The following SCHIP1 variants were observed in gnomAD, a reference collection of about 807,000 sequenced individuals.
The protein encoded by SCHIP1 is schwannomin-interacting protein 1.
In SCHIP1, 8 loss-of-function variants were observed where a neutral mutation model predicts 29.7. That is an observed-to-expected ratio of 0.27 (90% CI 0.16 to 0.49). The LOEUF is 0.49. Among genes scored for constraint, SCHIP1 ranks in the 20% least tolerant of loss-of-function variants. The probability of loss-of-function intolerance (pLI) is 0.99; values close to 1 mark genes in which losing one functional copy is unlikely to be tolerated. For synonymous variants in SCHIP1, 76 were observed against 94.9 expected, an observed-to-expected ratio of 0.80 and a Z score of 1.16; for missense variants, 193 against 294.6, an observed-to-expected ratio of 0.66 and a Z score of 2.52.
the SCHIP1 span, among the ~76,000 whole-genome samples, chr3:159,311,369 G>T: frequency 0.026 from 3,885 of 152,076 alleles, 160 homozygotes; most frequent in African/African-American, 0.09. Flanking sequence ...AAAAATCAAA[G>T]GGAGTTAATT....
chr3:159,506,875 T>A, the SCHIP1 span, among the ~76,000 whole-genome samples: 2 of 152,266 alleles, frequency 1.3e-5, no homozygotes, highest in African/African-American at 2.4e-5. Context: ...TGTAGCCTTG[T>A]AACATAGTTT....
upstream of SCHIP1, among the ~76,000 whole-genome samples, chr3:159,835,778 C>T (rs137924364): frequency 1.5e-3 from 223 of 152,268 alleles, no homozygotes; most frequent in Middle Eastern, 6.8e-3. Flanking sequence ...GGGTCAGTTC[C>T]TGACCCAGGC....
At chr3:159,796,118 G>A in the SCHIP1 span, among the ~76,000 whole-genome samples, 1 of 152,168 alleles carries the variant, frequency 6.6e-6, no homozygotes, top group Non-Finnish European at 1.5e-5. Context: ...TTGGATTTGG[G>A]CAGAGCCACT....
the SCHIP1 span, among the ~76,000 whole-genome samples, chr3:159,415,978 A>G: frequency 6.6e-6 from 1 of 152,224 alleles, no homozygotes; most frequent in South Asian, 2.1e-4. Flanking sequence ...CTATATTCAT[A>G]TTAGTAAAAG....
At chr3:159,846,516 G>A (rs1474143752) in intron 1 of SCHIP1, among the ~76,000 whole-genome samples, 4 of 152,154 alleles carry the variant, frequency 2.6e-5, no homozygotes, top group Non-Finnish European at 2.9e-5. Context: ...TTCTTCCTGT[G>A]ATTGAGAAAA....
At chr3:159,351,158 G>T in the SCHIP1 span, among the ~76,000 whole-genome samples, 1 of 152,118 alleles carries the variant, frequency 6.6e-6, no homozygotes, top group Non-Finnish European at 1.5e-5. Context: ...ATACCTTCAT[G>T]CTCTTACAGT....
At chr3:159,465,369 TAGAGAGAAAG>T in the SCHIP1 span, among the ~76,000 whole-genome samples, 8 of 150,438 alleles carry the variant, frequency 5.3e-5, no homozygotes, top group African/African-American at 7.4e-5. Context: ...GTGTGGAAAT[TAGAGAGAAAG>T]AGAGAGAAAG....
the SCHIP1 span, among the ~76,000 whole-genome samples, chr3:159,746,867 C>G: frequency 2.6e-5 from 4 of 152,302 alleles, no homozygotes; most frequent in East Asian, 5.8e-4. Context: ...GGAACTTCAG[C>G]AACTTTTGAT....
At chr3:159,772,940 T>C in the SCHIP1 span, among the ~76,000 whole-genome samples, 5 of 151,850 alleles carry the variant, frequency 3.3e-5, no homozygotes, top group African/African-American at 1.2e-4. Flanking sequence ...GGGATTTCAC[T>C]ATGTTGGCCA....
chr3:159,803,717 G>T, the SCHIP1 span, among the ~76,000 whole-genome samples: 2 of 152,214 alleles, frequency 1.3e-5, no homozygotes, highest in Non-Finnish European at 2.9e-5. Flanking sequence ...CCAGGGAAGT[G>T]TATGTATACA....
chr3:159,508,381 T>C, the SCHIP1 span, among the ~76,000 whole-genome samples: 2 of 152,138 alleles, frequency 1.3e-5, no homozygotes, highest in African/African-American at 4.8e-5. Flanking sequence ...GTCTTGCTAG[T>C]GGTCTATAAA....
chr3:159,391,072 G>C, the SCHIP1 span, among the ~76,000 whole-genome samples: 1 of 152,092 alleles, frequency 6.6e-6, no homozygotes, highest in African/African-American at 2.4e-5. Context: ...ATGAAAAACT[G>C]ATGTCTTGGT....
chr3:159,448,132 G>A, the SCHIP1 span, among the ~76,000 whole-genome samples: 6 of 152,192 alleles, frequency 3.9e-5, no homozygotes, highest in Non-Finnish European at 8.8e-5. Flanking sequence ...ACCTGATGAT[G>A]TAACTGTGAG....
chr3:159,465,879 A>G, the SCHIP1 span, among the ~76,000 whole-genome samples: 1 of 152,210 alleles, frequency 6.6e-6, no homozygotes, highest in Non-Finnish European at 1.5e-5. Flanking sequence ...AAGTACATAA[A>G]TATAACAAAC....
the SCHIP1 span, among the ~76,000 whole-genome samples, chr3:159,361,801 A>T: frequency 1.3e-5 from 2 of 152,228 alleles, no homozygotes; most frequent in Non-Finnish European, 2.9e-5. Context: ...GTTGTGATTT[A>T]AAAAATGTAT....
the SCHIP1 span, among the ~76,000 whole-genome samples, chr3:159,801,181 C>A: frequency 3.9e-5 from 6 of 152,012 alleles, no homozygotes; most frequent in African/African-American, 1.2e-4. Context: ...AAGCTATATA[C>A]AAAAGTAAGT....
At chr3:159,740,556 C>A in the SCHIP1 span, among the ~76,000 whole-genome samples, 8 of 151,992 alleles carry the variant, frequency 5.3e-5, no homozygotes, top group African/African-American at 1.7e-4. Context: ...CCCCTGCCCC[C>A]AAAAAATCCA....
At chr3:159,720,463 G>A in the SCHIP1 span, among the ~76,000 whole-genome samples, 2 of 151,824 alleles carry the variant, frequency 1.3e-5, no homozygotes, top group African/African-American at 2.4e-5. Context: ...ATATTAGAAG[G>A]AGCTATAATT....
At chr3:159,642,039 C>T in the SCHIP1 span, among the ~76,000 whole-genome samples, 11 of 152,182 alleles carry the variant, frequency 7.2e-5, no homozygotes, top group African/African-American at 2.6e-4. Context: ...GGTTTTGAAT[C>T]TCACTCACTT....
Sources: gnomAD v4.1 joint callset for allele counts (sites outside exome capture counted in the v4.1 genomes callset) on GRCh38, gnomAD v4.1.1 for gene constraint, MANE v1.5 for transcripts, NCBI Gene and HGNC (gene_info 2026-07-23, HGNC 2026-07-21) for gene names.